C19orf81: variants seen among roughly 807,000 people sequenced by gnomAD.
C19orf81 encodes putative uncharacterized protein C19orf81.
C19orf81 carries 19 observed loss-of-function variants against 22.1 expected under a neutral mutation model. That is an observed-to-expected ratio of 0.86 (90% CI 0.60 to 1.26). The LOEUF is 1.26. Among genes scored for constraint, C19orf81 ranks in the 50% most tolerant of loss-of-function variants. The pLI is 0.00. For synonymous variants in C19orf81, 108 were observed against 113.1 expected, an observed-to-expected ratio of 0.95 and a Z score of 0.29; for missense variants, 287 against 280.7, an observed-to-expected ratio of 1.02 and a Z score of -0.16.
chr19:50,650,475 GC>G (rs1984853082), intron 1 of C19orf81, among the ~76,000 whole-genome samples: 1 of 152,148 alleles, frequency 6.6e-6, no homozygotes, highest in Non-Finnish European at 1.5e-5. Flanking sequence ...TTCAAGGCCA[GC>G]CAGCCTGGCC....
intron 4 of C19orf81, chr19:50,658,445 G>A: frequency 3.1e-6 from 1 of 324,148 alleles, no homozygotes; most frequent in Non-Finnish European, 5.7e-6. Flanking sequence ...ACTGAGGGGC[G>A]GGGCCAAGAG....
At position 50,656,116 on chromosome 19, in the gene C19orf81, A is replaced by G. The variant is rs778504965; in HGVS notation, c.134A>G (p.Lys45Arg). ...GCTCGGAGCCTGGGCAGGCCCATCA[A>G]ATCCTCGTGAGTTGTCCCTGGCCCC... The part of the protein sequence containing the change: ...MQARSLGRPI[K>R]SSKQYLRQVI... Residue 45 changes from lysine (K) to arginine (R), a missense_variant, in exon 2 of 5, where the codon AAA becomes AGA. By Grantham distance (26) the Lys-to-Arg change is conservative. Coordinates refer to ENST00000425202, the MANE Select transcript of C19orf81 (RefSeq NM_001195076.2). The G allele has an allele frequency of 2.6e-6, 4 of 1,536,098 alleles. No homozygotes were observed. Among genetic ancestry groups the G allele is most frequent in the South Asian group, 1.2e-5 (1 of 84,060 alleles).
intron 4 of C19orf81, 39 bp downstream of exon 4, chr19:50,658,167 A>T: frequency 6.8e-7 from 1 of 1,461,330 alleles, no homozygotes; most frequent in Non-Finnish European, 9.1e-7. Flanking sequence ...AGCGAGCGGG[A>T]GGGGCGGGGC....
chr19:50,650,389 G>A (rs1030123467), intron 1 of C19orf81, among the ~76,000 whole-genome samples: 4 of 152,232 alleles, frequency 2.6e-5, no homozygotes, highest in Non-Finnish European at 5.9e-5. Flanking sequence ...CCAAACTCAG[G>A]ACTGGGTGTG....
Position 50,656,085 on chromosome 19 carries a change from A to T in C19orf81, c.103A>T (p.Met35Leu). Residue 35 changes from methionine (M) to leucine (L), a missense_variant, in exon 2 of 5, where the codon ATG (methionine) becomes TTG (leucine). Coordinates refer to ENST00000425202, the MANE Select transcript of C19orf81 (RefSeq NM_001195076.2). Reference protein sequence around the residue: ...LLMDLETPEEMQARSLGRPIK... With the variant: ...LLMDLETPEELQARSLGRPIK... Reference sequence around the variant, plus strand: ...TATGGACCTGGAGACCCCAGAGGAGATGCAGGCTCGGAGCCTGGGCAGGCC... The same window carrying T: ...TATGGACCTGGAGACCCCAGAGGAGTTGCAGGCTCGGAGCCTGGGCAGGCC... The T allele has an allele frequency of 6.5e-7, 1 of 1,536,016 alleles. No individual in the cohort carries two copies. Among genetic ancestry groups the T allele is most frequent in the Non-Finnish European group, 8.7e-7 (1 of 1,146,884 alleles).
At position 50,659,215 on chromosome 19, in the gene C19orf81, A is replaced by G. The variant is rs1166420421; in HGVS notation, c.*73A>G. ...GGCCACCCACCCGGAGCCCCGGAGG[A>G]CAGGGGGCGTTGCCTTCCCAGGAAG... On this transcript the variant is annotated 3_prime_UTR_variant, in exon 5 of 5. Coordinates refer to ENST00000425202, the MANE Select transcript of C19orf81 (RefSeq NM_001195076.2). 1 of 1,222,398 alleles carries G rather than the reference A, an allele frequency of 8.2e-7. No homozygotes were observed. Among genetic ancestry groups the G allele is most frequent in the Non-Finnish European group, 1.0e-6 (1 of 969,256 alleles). The allele number at this position is 1,222,398 out of a possible 1,614,324, so 75.7% of individuals were successfully genotyped here.
chr19:50,656,335 A>T lies in C19orf81; in HGVS notation c.250A>T (p.Met84Leu). ...AGCTTCCCAGCCCCTCTGCCTCTGC[A>T]TGGAGACCTTGGTGAGTGGACCTGT... ...PPASQPLCLC[M>L]ETLPEEDFTH... The change falls in exon 3 of 5, where the codon ATG becomes TTG. Residue 84 changes from methionine (M) to leucine (L), a missense_variant. Transcript: ENST00000425202. 1.3e-6 allele frequency: 2 copies of T among 1,535,826 alleles called. No individual in the cohort carries two copies. Among genetic ancestry groups the T allele is most frequent in the Non-Finnish European group, 1.7e-6 (2 of 1,146,724 alleles).
At position 50,658,110 on chromosome 19, in the gene C19orf81, C is replaced by T; in HGVS notation, c.383C>T (p.Thr128Ile). Residue 128 changes from threonine to isoleucine, a missense_variant, in exon 4 of 5, where the codon ACT (threonine) becomes ATT (isoleucine). By Grantham distance (89) the Thr-to-Ile change is moderately conservative (BLOSUM62 -1). Transcript: ENST00000425202. ...GAGAACATGAACGTCATCTGTGGGA[C>T]TGCTGGGCGCCGGAACCGGTGAGTA... ...RFENMNVICG[T>I]AGRRNRWLIA... 6.5e-7 allele frequency: 1 copy of T among 1,534,952 alleles called. No homozygotes were observed. Among genetic ancestry groups the T allele is most frequent in the Non-Finnish European group, 8.7e-7 (1 of 1,146,402 alleles).
At chr19:50,658,202 G>A in intron 4 of C19orf81, 74 bp downstream of exon 4, 1 of 1,442,772 alleles carries the variant, frequency 6.9e-7, no homozygotes, top group Admixed American at 2.3e-5. Flanking sequence ...TAAGAGCGTG[G>A]TTGGTTTTAG....
chr19:50,655,971 G>A, intron 1 of C19orf81, 79 bp from the exon 2 acceptor site: 1 of 1,364,882 alleles, frequency 7.3e-7, no homozygotes, highest in South Asian at 1.2e-5. Context: ...GCATGGGCAA[G>A]CAATTGGTGA....
Position 50,657,856 on chromosome 19 carries a change from G to C in C19orf81, c.262-133G>C, listed in dbSNP as rs1985030019. On this transcript the variant is annotated intron_variant, in intron 3 of 4. Transcript: ENST00000425202. ...CATAGCGACAGTACCCTGGGATTAA[G>C]AGCGATCCTTGCCCCTCAAATGCCA... The C allele has an allele frequency of 4.1e-6, 5 of 1,210,172 alleles. No individual in the cohort carries two copies. The South Asian group carries it at 6.7e-5, about 16-fold the overall frequency. 75.0% of individuals were successfully genotyped at this position (1,210,172 alleles called of 1,614,324 possible).
intron 3 of C19orf81, 82 bp from the exon 4 acceptor site, chr19:50,657,907 A>C: frequency 7.0e-7 from 1 of 1,431,662 alleles, no homozygotes; most frequent in Non-Finnish European, 9.1e-7. Context: ...CAGGTTCTGC[A>C]GGTGGGGTCT....
At chr19:50,652,157 T>G (rs1052455491) in intron 1 of C19orf81, among the ~76,000 whole-genome samples, 5 of 152,188 alleles carry the variant, frequency 3.3e-5, no homozygotes, top group African/African-American at 1.2e-4. Flanking sequence ...CCTATAATTA[T>G]TTTTGAATAT....
rs1984837335 is a variant in C19orf81, at chr19:50,649,677, A to G, written c.67+166A>G. The stretch of plus-strand genomic sequence containing the variant: ...GATTCCTGGAGAGCGGCCCCCTTGG[A>G]CCTCAAACTACATTTCCCATGAGCC... On this transcript the variant is annotated intron_variant, in intron 1 of 4. Transcript: ENST00000425202. 1.3e-5 allele frequency: 10 copies of G among 764,238 alleles called. No homozygotes were observed. In the South Asian group the frequency reaches 1.3e-4, roughly 10 times the overall value. 47.3% of individuals were successfully genotyped at this position (764,238 alleles called of 1,614,324 possible).
At chr19:50,649,679 C>T (rs574066852) in intron 1 of C19orf81, 168 bp downstream of exon 1, 3 of 765,404 alleles carry the variant, frequency 3.9e-6, no homozygotes, top group South Asian at 2.9e-5. Flanking sequence ...CCCCTTGGAC[C>T]TCAAACTACA....
chr19:50,653,822 G>C (rs1984933271), intron 1 of C19orf81, among the ~76,000 whole-genome samples: 1 of 151,902 alleles, frequency 6.6e-6, no homozygotes, highest in Non-Finnish European at 1.5e-5. Context: ...GGGTTCACGG[G>C]GGTGGGGCTT....
intron 1 of C19orf81, among the ~76,000 whole-genome samples, chr19:50,655,365 A>G (rs1453508616): frequency 6.6e-6 from 1 of 152,068 alleles, no homozygotes; most frequent in East Asian, 1.9e-4. Context: ...AAAACTGAAA[A>G]CTGGGCTGGG....
At position 50,653,346 on chromosome 19, in the gene C19orf81, A is replaced by G. The variant is rs1032248387; in HGVS notation, c.68-2704A>G. Among the ~76,000 whole-genome samples, 4 of 152,170 alleles carry G rather than the reference A, an allele frequency of 2.6e-5. No individual in the cohort carries two copies. The East Asian group carries it at 7.7e-4, about 29-fold the overall frequency. ...GAGCTACTGTGCCCGGCCACAGTGG[A>G]AAGTATTTTTTAAAGTGTTTGGCAT... On this transcript the variant is annotated intron_variant, in intron 1 of 4. Transcript: ENST00000425202.
chr19:50,649,844 C>T, intron 1 of C19orf81: 1 of 490,032 alleles, frequency 2.0e-6, no homozygotes, highest in Non-Finnish European at 4.0e-6. Context: ...CATCTTCCCC[C>T]AAAGCTGCTC....
Sources: allele counts gnomAD v4.1 joint callset (sites outside exome capture counted in the v4.1 genomes callset), GRCh38; gene constraint gnomAD v4.1.1; transcripts MANE v1.5; gene names NCBI Gene and HGNC (gene_info 2026-07-23, HGNC 2026-07-21).